Variants in NPIPB2 observed in about 807,000 individuals in gnomAD.
The protein encoded by NPIPB2 is nuclear pore complex interacting protein family member B2, also known as nuclear pore complex-interacting protein family member B2.
A neutral mutation model predicts 30.8 loss-of-function variants in NPIPB2; 27 were observed. That is an observed-to-expected ratio of 0.88 (90% CI 0.65 to 1.21). The LOEUF (loss-of-function observed/expected upper bound fraction) is 1.21, where lower values mean the gene tolerates loss of function less well. Ranked by LOEUF, NPIPB2 falls within the 50% of genes most tolerant of loss-of-function variation. The pLI is 0.00. For synonymous variants in NPIPB2, 147 were observed against 162.0 expected (o/e 0.91, Z 0.70); for missense variants, 440 against 446.2 (o/e 0.99, Z 0.13).
chr16:11,970,038 A>G (rs1403177261), intron 1 of NPIPB2, among the ~76,000 whole-genome samples: 1 of 151,542 alleles, frequency 6.6e-6, no homozygotes, highest in Non-Finnish European at 1.5e-5. Flanking sequence ...ATACTAACTC[A>G]TTTTAAGCAC....
intron 1 of NPIPB2, among the ~76,000 whole-genome samples, chr16:11,954,984 T>C (rs1232466350): frequency 1.3e-5 from 2 of 152,076 alleles, no homozygotes; most frequent in African/African-American, 4.8e-5. Flanking sequence ...CACATATCCA[T>C]CACCCATCAA....
rs571973407 is a variant in NPIPB2 at position 11,935,558 on chromosome 16, T to C, written c.193-1634A>G. Reference sequence around the variant, plus strand: ...TGAACTCCTGACCTCAGATGATCCATCTGCTTCAGCCTCCCAAAGTGCTGG... The same window carrying C: ...TGAACTCCTGACCTCAGATGATCCACCTGCTTCAGCCTCCCAAAGTGCTGG... On this transcript the variant is annotated intron_variant, in intron 2 of 7. Transcript: ENST00000399147. Among the ~76,000 whole-genome samples the C allele has an allele frequency of 6.8e-4, 103 of 152,256 alleles. 1 individual carries two copies. The highest frequency in any genetic ancestry group is 2.2e-3 in the African/African-American group (91 of 41,574).
At chr16:11,947,278 C>T (rs955917439) in intron 1 of NPIPB2, among the ~76,000 whole-genome samples, 3 of 144,302 alleles carry the variant, frequency 2.1e-5, no homozygotes, top group African/African-American at 7.6e-5. Flanking sequence ...TGTGTGTGTA[C>T]ATAGGTACAT....
intron 1 of NPIPB2, chr16:11,965,544 G>A (rs2055186898): frequency 1.5e-6 from 2 of 1,328,638 alleles, no homozygotes; most frequent in Non-Finnish European, 2.1e-6. Context: ...TAATGGGCAT[G>A]ATGGTGAGTT....
At chr16:11,942,542 C>CGT (rs1434582858), upstream of NPIPB2, among the ~76,000 whole-genome samples, 1 of 151,916 alleles carries the variant, frequency 6.6e-6, no homozygotes, top group Non-Finnish European at 1.5e-5. Context: ...TCTTACTGCC[C>CGT]GTGTGTGTGG....
chr16:11,945,342 C>G (rs919001163), upstream of NPIPB2, among the ~76,000 whole-genome samples: 1 of 152,048 alleles, frequency 6.6e-6, no homozygotes, highest in African/African-American at 2.4e-5. Flanking sequence ...GATGGCACCA[C>G]TGCAGTCCAG....
chr16:11,963,380 CAA>C (rs35810741), intron 1 of NPIPB2, among the ~76,000 whole-genome samples: 28 of 62,564 alleles, frequency 4.5e-4, no homozygotes, highest in Middle Eastern at 0.012. Flanking sequence ...AACTCCAGCT[CAA>C]AAAAAAAAAA....
At chr16:11,942,157 G>T (rs2054951137), upstream of NPIPB2, 4 of 1,516,722 alleles carry the variant, frequency 2.6e-6, no homozygotes, top group Non-Finnish European at 3.5e-6. Context: ...TTTTAAGCAT[G>T]CATGGTACAT....
intron 1 of NPIPB2, among the ~76,000 whole-genome samples, chr16:11,975,453 T>C (rs1186113314): frequency 6.6e-6 from 1 of 151,782 alleles, no homozygotes; most frequent in Non-Finnish European, 1.5e-5. Flanking sequence ...GGCCAATCCA[T>C]CACCTTTTCT....
chr16:11,931,476 G>A (rs905302339), intron 4 of NPIPB2, among the ~76,000 whole-genome samples: 6 of 151,644 alleles, frequency 4.0e-5, no homozygotes, highest in Non-Finnish European at 7.4e-5. Context: ...GAAAGTTAAT[G>A]AACTTGTTTC....
intron 1 of NPIPB2, among the ~76,000 whole-genome samples, chr16:11,974,217 T>G (rs947080247): frequency 6.6e-6 from 1 of 152,144 alleles, no homozygotes; most frequent in African/African-American, 2.4e-5. Context: ...ACTTTTTCAT[T>G]ATTACAGAGA....
intron 1 of NPIPB2, among the ~76,000 whole-genome samples, chr16:11,972,315 C>G (rs987595633): frequency 2.6e-5 from 4 of 152,202 alleles, no homozygotes; most frequent in Admixed American, 2.0e-4. Context: ...GCGGCTCACG[C>G]CCGTAATTCC....
intron 1 of NPIPB2, among the ~76,000 whole-genome samples, chr16:11,971,903 T>G (rs2055237821): frequency 1.3e-5 from 2 of 151,966 alleles, no homozygotes; most frequent in South Asian, 2.1e-4. Context: ...TCCCAGCACT[T>G]TGGGAGGCTG....
upstream of NPIPB2, among the ~76,000 whole-genome samples, chr16:11,946,844 T>C (rs1298865228): frequency 6.6e-6 from 1 of 151,738 alleles, no homozygotes; most frequent in Non-Finnish European, 1.5e-5. Flanking sequence ...ACTCGCCTCC[T>C]GAGTAGCTGA....
chr16:11,961,651 G>A (rs918948712), intron 1 of NPIPB2, among the ~76,000 whole-genome samples: 2 of 151,698 alleles, frequency 1.3e-5, no homozygotes, highest in African/African-American at 2.4e-5. Flanking sequence ...CTGGAGGCAC[G>A]CACCTGTAAT....
intron 1 of NPIPB2, among the ~76,000 whole-genome samples, chr16:11,954,269 T>C (rs1469097252): frequency 6.6e-6 from 1 of 151,972 alleles, no homozygotes; most frequent in African/African-American, 2.4e-5. Context: ...GGAGGATCAC[T>C]TGAGACCAGA....
intron 1 of NPIPB2, among the ~76,000 whole-genome samples, chr16:11,966,740 G>C (rs2055197195): frequency 6.6e-6 from 1 of 152,112 alleles, no homozygotes; most frequent in South Asian, 2.1e-4. Flanking sequence ...TACAAATATA[G>C]GTGTTCTTTG....
upstream of NPIPB2, among the ~76,000 whole-genome samples, chr16:11,942,842 G>C (rs891047798): frequency 1.4e-4 from 21 of 152,108 alleles, no homozygotes; most frequent in African/African-American, 4.1e-4. Context: ...CCTTCTGCCC[G>C]ATCACACAGA....
chr16:11,974,441 C>T (rs573631790), intron 1 of NPIPB2, among the ~76,000 whole-genome samples: 3 of 152,036 alleles, frequency 2.0e-5, no homozygotes, highest in Non-Finnish European at 2.9e-5. Flanking sequence ...CACTAGAACC[C>T]GGGAAGCGGA....
Sources: gnomAD v4.1 joint callset for allele counts (sites outside exome capture counted in the v4.1 genomes callset) on GRCh38, gnomAD v4.1.1 for gene constraint, MANE v1.5 for transcripts, NCBI Gene and HGNC (gene_info 2026-07-23, HGNC 2026-07-21) for gene names.